LGR6: variants seen among roughly 807,000 people sequenced by gnomAD.
The protein encoded by LGR6 is leucine-rich repeat-containing G protein-coupled receptor 6.
In LGR6, 45 loss-of-function variants were observed where a neutral mutation model predicts 69.4. That is an observed-to-expected ratio of 0.65 (90% confidence interval 0.51 to 0.83). The LOEUF is 0.83. Ranked by LOEUF, LGR6 falls within the 40% of genes least tolerant of loss-of-function variation. The pLI is 0.00. For missense variants in LGR6, 1,108 were observed against 1,246.7 expected (o/e 0.89, Z 1.68); for synonymous variants, 538 against 555.0 (o/e 0.97, Z 0.43).
chr1:202,277,470 T>A (rs553707974), intron 5 of LGR6, among the ~76,000 whole-genome samples: 21 of 149,062 alleles, frequency 1.4e-4, no homozygotes, highest in African/African-American at 3.9e-4. Context: ...GGTGGGGGGG[T>A]ATTTAGAGAG....
chr1:202,302,592 G>A (rs1175188692), intron 9 of LGR6, among the ~76,000 whole-genome samples: 1 of 152,032 alleles, frequency 6.6e-6, no homozygotes, highest in Non-Finnish European at 1.5e-5. Flanking sequence ...TGTTGCTCAG[G>A]CTGGAGTGCA....
At chr1:202,317,896 G>A (rs1198209531) in intron 17 of LGR6, 56 bp from the exon 18 acceptor site, 3 of 1,498,146 alleles carry the variant, frequency 2.0e-6, no homozygotes, top group African/African-American at 1.4e-5. Flanking sequence ...CCTTGGTCCT[G>A]AAGACCTGGT....
intron 5 of LGR6, among the ~76,000 whole-genome samples, chr1:202,277,079 G>A (rs1233737357): frequency 6.6e-6 from 1 of 152,188 alleles, no homozygotes; most frequent in Non-Finnish European, 1.5e-5. Flanking sequence ...GAACTTTAGA[G>A]GGCAAATTAG....
intron 17 of LGR6, among the ~76,000 whole-genome samples, chr1:202,316,736 G>GA (rs757980897): frequency 6.6e-6 from 1 of 151,724 alleles, no homozygotes; most frequent in Non-Finnish European, 1.5e-5. Flanking sequence ...TTGGTAATAA[G>GA]AAAGAAAAGG....
intron 17 of LGR6, among the ~76,000 whole-genome samples, chr1:202,315,710 C>G (rs946166884): frequency 3.9e-5 from 6 of 152,236 alleles, no homozygotes; most frequent in Non-Finnish European, 7.3e-5. Context: ...TCCCTTTACC[C>G]TCTCTAAAGC....
chr1:202,214,081 A>T, intron 1 of LGR6: 1 of 1,374,760 alleles, frequency 7.3e-7, no homozygotes, highest in Non-Finnish European at 9.4e-7. Flanking sequence ...GAAGCGGCAG[A>T]ACGAGAGAGG....
intron 10 of LGR6, among the ~76,000 whole-genome samples, chr1:202,303,731 T>A (rs555739272): frequency 6.6e-6 from 1 of 152,282 alleles, no homozygotes; most frequent in Non-Finnish European, 1.5e-5. Flanking sequence ...TATTATTATC[T>A]CCTGTGGCAT....
rs955860966 is a variant in LGR6, at chr1:202,268,059, C to T, written c.429-8247C>T. On this transcript the variant is annotated intron_variant, in intron 4 of 17. Coordinates refer to ENST00000367278, the MANE Select transcript of LGR6 (RefSeq NM_001017403.2). The surrounding 1 kb of genome is among the most constrained non-coding windows in gnomAD (Gnocchi z 4.4). ...AGAGAGGCTGGGAGGGGTGTCAGTC[C>T]GCGGGAAGGCAGAAGCTCATGAGCA... 6.6e-6 allele frequency among the ~76,000 whole-genome samples: 1 copy of T among 152,108 alleles called. No homozygotes were observed. The highest frequency in any genetic ancestry group is 2.1e-4 in the South Asian group (1 of 4,818).
At chr1:202,300,817 A>G in intron 7 of LGR6, 32 bp from the exon 8 acceptor site, 1 of 1,563,700 alleles carries the variant, frequency 6.4e-7, no homozygotes, top group South Asian at 1.2e-5. Context: ...CCTTTCTCCA[A>G]ATCCTCACTG....
intron 1 of LGR6, among the ~76,000 whole-genome samples, chr1:202,200,557 G>A (rs528898948): frequency 2.0e-4 from 31 of 152,254 alleles, no homozygotes; most frequent in African/African-American, 5.8e-4. Context: ...ATGGAGTGGC[G>A]GAGAAAATGC....
At chr1:202,206,811 G>T (rs549425481) in intron 1 of LGR6, among the ~76,000 whole-genome samples, 1 of 151,998 alleles carries the variant, frequency 6.6e-6, no homozygotes, top group Non-Finnish European at 1.5e-5. Flanking sequence ...GATTACAGGC[G>T]AGAGAGCTGT....
intron 2 of LGR6, 55 bp from the exon 3 acceptor site, chr1:202,227,881 C>T: frequency 1.6e-6 from 2 of 1,253,402 alleles, no homozygotes; most frequent in Non-Finnish European, 1.2e-6. Flanking sequence ...TTATGGAGGT[C>T]ACCACCTCCT....
chr1:202,303,829 TCAGGAAGTCGGCTGCCCTGCCCCACAC>T (rs1667782743), intron 10 of LGR6, among the ~76,000 whole-genome samples: 1 of 152,140 alleles, frequency 6.6e-6, no homozygotes, highest in Non-Finnish European at 1.5e-5. Flanking sequence ...AGAATGAGTG[TCAGGAAGTCGGCTGCCCTGCCCCACAC>T]CACAAAGTTC....
chr1:202,301,935 C>G (rs1316880747), intron 9 of LGR6, among the ~76,000 whole-genome samples: 1 of 152,150 alleles, frequency 6.6e-6, no homozygotes, highest in Admixed American at 6.5e-5. Flanking sequence ...AGAGGACTCG[C>G]TTGAACCCGG....
intron 9 of LGR6, among the ~76,000 whole-genome samples, chr1:202,301,879 C>T (rs914336893): frequency 6.6e-6 from 1 of 152,022 alleles, no homozygotes; most frequent in East Asian, 1.9e-4. Context: ...AGTAGCCGGG[C>T]GTGGTGGTGG....
chr1:202,258,263 T>A (rs1663945655), intron 4 of LGR6, among the ~76,000 whole-genome samples: 1 of 152,070 alleles, frequency 6.6e-6, no homozygotes, highest in South Asian at 2.1e-4. Context: ...CTGTTCATTT[T>A]TCTCTTATAT....
rs138380342 is a variant in LGR6, at chr1:202,254,377, A to T, written c.428+18384A>T. On this transcript the variant is annotated intron_variant, in intron 4 of 17. Transcript: ENST00000367278. Reference sequence around the variant, plus strand: ...TGGCTGTGAGGAGCTGGAGTAGGATAGACTGGAGGGGTTCCTCACCTCTGG... The same window carrying T: ...TGGCTGTGAGGAGCTGGAGTAGGATTGACTGGAGGGGTTCCTCACCTCTGG... Among the ~76,000 whole-genome samples the T allele has an allele frequency of 8.1e-4, 124 of 152,326 alleles. No homozygotes were observed. In the East Asian group the frequency reaches 0.021, roughly 26 times the overall value.
chr1:202,259,116 C>T (rs1664023938), intron 4 of LGR6, among the ~76,000 whole-genome samples: 1 of 151,896 alleles, frequency 6.6e-6, no homozygotes, highest in African/African-American at 2.4e-5. Flanking sequence ...TTTGGATAAT[C>T]CCATCTTGAT....
chr1:202,232,289 T>C (rs1307109886), intron 3 of LGR6, among the ~76,000 whole-genome samples: 4 of 152,044 alleles, frequency 2.6e-5, no homozygotes, highest in Non-Finnish European at 4.4e-5. Context: ...ACCTCTTTTA[T>C]ACTTTTTGGA....
Sources: gnomAD v4.1 joint callset for allele counts (sites outside exome capture counted in the v4.1 genomes callset) on GRCh38, gnomAD v4.1.1 for gene constraint, Gnocchi (gnomAD v3.1) non-coding constraint, MANE v1.5 for transcripts, NCBI Gene and HGNC (gene_info 2026-07-23, HGNC 2026-07-21) for gene names.